The following BAZ2A variants were observed in gnomAD, a reference collection of about 807,000 sequenced individuals.
BAZ2A encodes the protein bromodomain adjacent to zinc finger domain 2A, also known as bromodomain adjacent to zinc finger domain protein 2A.
A neutral mutation model predicts 199.9 loss-of-function variants in BAZ2A; 34 were observed. The observed-to-expected ratio is 0.17, with a 90% CI of 0.13 to 0.23. The LOEUF (loss-of-function observed/expected upper bound fraction) is 0.23. Among genes scored for constraint, BAZ2A ranks in the 10% least tolerant of loss-of-function variants. The pLI is 1.00. For synonymous variants in BAZ2A, 857 were observed against 883.9 expected (o/e 0.97, Z 0.54); for missense variants, 2,002 against 2,391.1 (o/e 0.84, Z 3.39).
At position 56,611,753 on chromosome 12, in the gene BAZ2A, A is replaced by T. The variant is rs1364408016; in HGVS notation, c.1609+20T>A. ...GTTTCTTGGAACCAGACAGGGATAG[A>T]ATAGAATCTGGATACTCACCACTAC... On this transcript the variant is annotated intron_variant, in intron 6 of 28. Transcript: ENST00000549884. 6.6e-7 allele frequency: 1 copy of T among 1,521,016 alleles called. No individual in the cohort carries two copies. Among genetic ancestry groups the T allele is most frequent in the South Asian group, 1.3e-5 (1 of 75,056 alleles). 94.2% of individuals were successfully genotyped at this position (1,521,016 alleles called of 1,614,324 possible). A position where few individuals can be genotyped will look rare whatever the true frequency, so the allele number is the denominator to read the frequency against.
At chr12:56,629,842 C>CAAG (rs1022235920) in intron 1 of BAZ2A, 2 of 153,046 alleles carry the variant, frequency 1.3e-5, no homozygotes, top group Admixed American at 1.3e-4. Flanking sequence ...ACCAGCCAGG[C>CAAG]GGCTTCTCCG....
chr12:56,618,792 C>T (rs906297592), intron 1 of BAZ2A, among the ~76,000 whole-genome samples: 1 of 151,796 alleles, frequency 6.6e-6, no homozygotes, highest in African/African-American at 2.4e-5. Flanking sequence ...ATCGCTTGAA[C>T]CCGCAAGGCA....
intron 10 of BAZ2A, 30 bp downstream of exon 10, chr12:56,609,706 A>G: frequency 1.9e-6 from 3 of 1,598,784 alleles, no homozygotes; most frequent in Non-Finnish European, 2.6e-6. Context: ...TGGAGGGAGC[A>G]GAATCCCAAA....
rs1357388582 is a variant in BAZ2A at position 56,600,416 on chromosome 12, C to A, written c.4677G>T (p.Glu1559Asp). 8.1e-6 allele frequency: 13 copies of A among 1,614,002 alleles called. No individual in the cohort carries two copies. The highest frequency in any genetic ancestry group is 1.1e-5 in the Non-Finnish European group (13 of 1,179,896). Residue 1559 changes from glutamate to aspartate, a missense_variant, in exon 24 of 29, where the codon GAG becomes GAT. Glu to Asp is a conservative substitution (Grantham distance 45). Coordinates refer to ENST00000549884, the MANE Select transcript of BAZ2A (RefSeq NM_001300905.2). ...AYCEHLSDSQEDITWRGRGRE... is the reference protein window; with the variant it reads ...AYCEHLSDSQDDITWRGRGRE... ...TGCCCCGACCTCGCCAGGTGATATC[C>A]TCCTGGGAGTCGGAGAGGTGCTCAC...
At chr12:56,602,277 C>A in intron 19 of BAZ2A, 85 bp from the exon 20 acceptor site, 1 of 1,214,728 alleles carries the variant, frequency 8.2e-7, no homozygotes. Flanking sequence ...CCTATACTTT[C>A]TTTTTCTCTT....
At chr12:56,625,743 G>A (rs1392892445) in intron 1 of BAZ2A, among the ~76,000 whole-genome samples, 1 of 151,320 alleles carries the variant, frequency 6.6e-6, no homozygotes, top group Non-Finnish European at 1.5e-5. Flanking sequence ...GGGCATGGTG[G>A]CGCGCGCCTG....
intron 15 of BAZ2A, 141 bp from the exon 16 acceptor site, chr12:56,604,432 A>T: frequency 7.8e-7 from 1 of 1,288,508 alleles, no homozygotes; most frequent in Non-Finnish European, 1.1e-6. Flanking sequence ...AGGCTCTCCC[A>T]GGGAGGGCAC....
Position 56,599,166 on chromosome 12 carries a change from A to T in BAZ2A, c.5365T>A (p.Ser1789Thr). The T allele has an allele frequency of 6.2e-7, 1 of 1,612,828 alleles. No individual in the cohort carries two copies. The highest frequency in any genetic ancestry group is 8.5e-7 in the Non-Finnish European group (1 of 1,179,516). Residue 1789 changes from serine (S) to threonine (T), a missense_variant, in exon 27 of 29, where the codon TCT becomes ACT. By Grantham distance (58) the Ser-to-Thr change is moderately conservative. Coordinates refer to ENST00000549884, the MANE Select transcript of BAZ2A (RefSeq NM_001300905.2). ...AGATCACTGTGGTGGTTCCGCATAG[A>T]GAGTCGCCGCCGCTTGGAGGGGGAG... ...GLSPSKRRRLSMRNHHSDLTF... is the reference protein window; with the variant it reads ...GLSPSKRRRLTMRNHHSDLTF...
chr12:56,614,272 G>A (rs1950647469), intron 3 of BAZ2A, 134 bp from the exon 4 acceptor site: 2 of 888,590 alleles, frequency 2.3e-6, no homozygotes, highest in East Asian at 2.5e-5. Flanking sequence ...TCATTGCTGG[G>A]AACCGATCAC....
rs528584315 is a variant in BAZ2A at position 56,601,029 on chromosome 12, G to A, written c.4364C>T (p.Pro1455Leu). The change falls in exon 22 of 29, where the codon CCC (proline) becomes CTC (leucine). Residue 1455 changes from proline (P) to leucine (L), a missense_variant. This residue lies in a region of BAZ2A where 1,081 missense variants were observed against 1,274.7 expected (regional missense o/e 0.85). Coordinates refer to ENST00000549884, the MANE Select transcript of BAZ2A (RefSeq NM_001300905.2). The stretch of plus-strand genomic sequence containing the variant: ...AAGTGCCTTCTCCCGGATACCTCGG[G>A]GGTGTAGGGCCTTGAGCATGGCATC... ...MLDAMLKALHPRGIREKALHK... is the reference protein window; with the variant it reads ...MLDAMLKALHLRGIREKALHK... 1.2e-5 allele frequency: 20 copies of A among 1,610,774 alleles called. No homozygotes were observed. The South Asian group carries it at 2.0e-4, about 16-fold the overall frequency.
At chr12:56,631,211 G>C (rs1279549465), upstream of BAZ2A, among the ~76,000 whole-genome samples, 2 of 152,034 alleles carry the variant, frequency 1.3e-5, no homozygotes, top group East Asian at 3.9e-4. Context: ...CCAGCACTTT[G>C]GGAGGCCGAG....
rs571664591 is a variant in BAZ2A at position 56,612,873 on chromosome 12, C to T, written c.1135+142G>A. On this transcript the variant is annotated intron_variant, in intron 5 of 28. Coordinates refer to ENST00000549884, the MANE Select transcript of BAZ2A (RefSeq NM_001300905.2). ...CTGATCTCAGGTGATCCACCCGCCT[C>T]GGCCTCCCGAAGTGCTGAGATTACA... The T allele has an allele frequency of 6.5e-5, 60 of 916,224 alleles. No individual in the cohort carries two copies. In the East Asian group the frequency reaches 1.2e-3, roughly 18 times the overall value. 56.8% of individuals were successfully genotyped at this position (916,224 alleles called of 1,614,324 possible).
chr12:56,618,600 T>C (rs901089748), intron 1 of BAZ2A, among the ~76,000 whole-genome samples: 7 of 152,198 alleles, frequency 4.6e-5, no homozygotes, highest in Admixed American at 2.0e-4. Flanking sequence ...CCTTGAATTA[T>C]GTTACTACAT....
rs371408839 is a variant in BAZ2A at position 56,601,829 on chromosome 12, C to T, written c.3788G>A (p.Ser1263Asn). 24 of 1,613,886 alleles carry T rather than the reference C, an allele frequency of 1.5e-5. No homozygotes were observed. Among genetic ancestry groups the T allele is most frequent in the Non-Finnish European group, 1.9e-5 (23 of 1,179,890 alleles). ...CAGCCAAGACAGGAAGGCTGACTGGCTGAGGTCATGCTGGCTCTGACCCAG... is the reference window on the plus strand; with the variant it reads ...CAGCCAAGACAGGAAGGCTGACTGGTTGAGGTCATGCTGGCTCTGACCCAG... ...LSLGQSQHDLSQSAFLSWLSQ... is the reference protein window; with the variant it reads ...LSLGQSQHDLNQSAFLSWLSQ... Residue 1263 changes from serine (S) to asparagine (N), a missense_variant, in exon 20 of 29, where the codon AGC becomes AAC. This residue lies in a region of BAZ2A where 1,081 missense variants were observed against 1,274.7 expected (regional missense o/e 0.85). Transcript: ENST00000549884.
At chr12:56,612,433 G>C (rs74847010) in intron 5 of BAZ2A, among the ~76,000 whole-genome samples, 187 bp from the exon 6 acceptor site, 206 of 152,308 alleles carry the variant, frequency 1.4e-3, no homozygotes, top group African/African-American at 4.8e-3. Flanking sequence ...AGTTGCTACA[G>C]ATGTCATTGT....
upstream of BAZ2A, among the ~76,000 whole-genome samples, chr12:56,631,906 C>T (rs1951322448): frequency 6.6e-6 from 1 of 152,016 alleles, no homozygotes; most frequent in Non-Finnish European, 1.5e-5. Flanking sequence ...CACCCCTCCA[C>T]CCCCCCACTA....
At chr12:56,631,190 C>T (rs1262590382), upstream of BAZ2A, among the ~76,000 whole-genome samples, 2 of 152,066 alleles carry the variant, frequency 1.3e-5, no homozygotes, top group African/African-American at 2.4e-5. Flanking sequence ...CGGTGGCTCA[C>T]GGCTGTAATC....
Position 56,613,969 on chromosome 12 carries a change from G to A in BAZ2A, c.900C>T (p.Phe300=), listed in dbSNP as rs755579845. 1 of 1,613,688 alleles carries A rather than the reference G, an allele frequency of 6.2e-7. No individual in the cohort carries two copies. Among genetic ancestry groups the A allele is most frequent in the African/African-American group, 1.3e-5 (1 of 74,916 alleles). Reference sequence around the variant, plus strand: ...CAAACCTACCTGGTGCCAGAGAGTTGAAGGGCTCCAGAGAGTCTTCACTGA... The same window carrying A: ...CAAACCTACCTGGTGCCAGAGAGTTAAAGGGCTCCAGAGAGTCTTCACTGA... ...PILSEDSLEP[F]NSLAPEPVSG... Residue 300 remains phenylalanine, a synonymous_variant, in exon 4 of 29, where the codon TTC becomes TTT. Coordinates refer to ENST00000549884, the MANE Select transcript of BAZ2A (RefSeq NM_001300905.2).
intron 1 of BAZ2A, among the ~76,000 whole-genome samples, chr12:56,622,289 G>A (rs1439357194): frequency 6.6e-6 from 1 of 152,018 alleles, no homozygotes; most frequent in Non-Finnish European, 1.5e-5. Context: ...GCAGTGAGCT[G>A]AGATCGCACC....
Sources: allele counts gnomAD v4.1 joint callset (sites outside exome capture counted in the v4.1 genomes callset), GRCh38; gene constraint gnomAD v4.1.1; regional missense constraint gnomAD v4.1.1; transcripts MANE v1.5; gene names NCBI Gene and HGNC (gene_info 2026-07-23, HGNC 2026-07-21).